KATNA1: variants seen among roughly 807,000 people sequenced by gnomAD.
KATNA1 encodes katanin p60 ATPase-containing subunit A1.
KATNA1 carries 42 observed loss-of-function variants against 62.6 expected under a neutral mutation model. That is an observed-to-expected ratio of 0.67 (90% CI 0.52 to 0.87). The LOEUF (loss-of-function observed/expected upper bound fraction) is 0.87, where lower values mean the gene tolerates loss of function less well. Ranked by LOEUF, KATNA1 falls within the 40% of genes least tolerant of loss-of-function variation. The probability of loss-of-function intolerance (pLI) is 0.00; values close to 1 mark genes in which losing one functional copy is unlikely to be tolerated. For synonymous variants in KATNA1, 186 were observed against 201.9 expected (o/e 0.92, Z 0.67); for missense variants, 498 against 612.5 (o/e 0.81, Z 1.97).
chr6:149,622,768 C>CGGGGG (rs1410587975), intron 4 of KATNA1, among the ~76,000 whole-genome samples: 1 of 57,170 alleles, frequency 1.7e-5, no homozygotes. Flanking sequence ...GGCAGGGGGG[C>CGGGGG]GGGGGGTGGG....
chr6:149,602,522 T>C (rs1159641341), intron 6 of KATNA1, among the ~76,000 whole-genome samples: 1 of 152,116 alleles, frequency 6.6e-6, no homozygotes, highest in Admixed American at 6.6e-5. Flanking sequence ...AAAAGCTTTT[T>C]TGATGGTCTT....
At chr6:149,610,072 C>T (rs1778890736) in intron 4 of KATNA1, among the ~76,000 whole-genome samples, 1 of 145,524 alleles carries the variant, frequency 6.9e-6, no homozygotes, top group South Asian at 2.2e-4. Flanking sequence ...GCACTCCAGC[C>T]TGGGCAACAA....
intron 4 of KATNA1, among the ~76,000 whole-genome samples, chr6:149,613,972 C>T (rs1779068348): frequency 6.6e-6 from 1 of 152,152 alleles, no homozygotes; most frequent in Non-Finnish European, 1.5e-5. Context: ...TTCCTCTACT[C>T]CAGAGGATGC....
chr6:149,608,747 C>T (rs1308290472), intron 4 of KATNA1, among the ~76,000 whole-genome samples: 3 of 152,204 alleles, frequency 2.0e-5, no homozygotes, highest in African/African-American at 7.2e-5. Context: ...GGAACCTAGA[C>T]TTCCACTCCC....
At chr6:149,605,523 C>T (rs1311241459) in intron 4 of KATNA1, among the ~76,000 whole-genome samples, 1 of 152,100 alleles carries the variant, frequency 6.6e-6, no homozygotes, top group East Asian at 1.9e-4. Context: ...CCAAAAGACA[C>T]ATCTCAGTCC....
intron 4 of KATNA1, among the ~76,000 whole-genome samples, chr6:149,614,134 G>A (rs1212169030): frequency 4.6e-5 from 7 of 152,178 alleles, no homozygotes; most frequent in East Asian, 3.9e-4. Context: ...AACTCAGCCC[G>A]TAGGCCCTTA....
At chr6:149,597,254 A>T (rs1158799515) in intron 9 of KATNA1, 65 bp from the exon 10 acceptor site, 4 of 1,520,610 alleles carry the variant, frequency 2.6e-6, no homozygotes, top group Non-Finnish European at 3.6e-6. Context: ...TATTGTCTCA[A>T]ATCTTCTTTG....
intron 4 of KATNA1, among the ~76,000 whole-genome samples, chr6:149,609,208 C>A (rs1778852739): frequency 1.3e-5 from 2 of 151,994 alleles, no homozygotes; most frequent in Non-Finnish European, 2.9e-5. Context: ...AGACTCCATG[C>A]CAACACACAT....
At position 149,623,243 on chromosome 6, in the gene KATNA1, T is replaced by C. The variant is rs746967618; in HGVS notation, c.361A>G (p.Ser121Gly). Residue 121 changes from serine to glycine, a missense_variant, in exon 4 of 11, where the codon AGT becomes GGT. Coordinates refer to ENST00000367411, the MANE Select transcript of KATNA1 (RefSeq NM_007044.4). The part of the protein sequence containing the change: ...GPRKRQSSQY[S>G]DPKSHGNRPS... ...CGATTACCATGTGATTTAGGGTCAC[T>C]GTACTGAGAAGATTGGCGTTTTCTA... The C allele has an allele frequency of 6.2e-7, 1 of 1,606,474 alleles. No homozygotes were observed. Among genetic ancestry groups the C allele is most frequent in the Non-Finnish European group, 8.5e-7 (1 of 1,178,258 alleles).
intron 4 of KATNA1, among the ~76,000 whole-genome samples, chr6:149,610,957 C>T (rs998223090): frequency 3.3e-5 from 5 of 152,174 alleles, no homozygotes; most frequent in African/African-American, 9.7e-5. Flanking sequence ...TGGTGTTCCA[C>T]GCCTATAGTC....
At position 149,597,572 on chromosome 6, in the gene KATNA1, G is replaced by A. The variant is rs1445999456; in HGVS notation, c.1085C>T (p.Pro362Leu). 6.2e-7 allele frequency: 1 copy of A among 1,613,904 alleles called. No homozygotes were observed. The highest frequency in any genetic ancestry group is 8.5e-7 in the Non-Finnish European group (1 of 1,179,854). Residue 362 changes from proline (P) to leucine (L), a missense_variant, in exon 9 of 11, where the codon CCC becomes CTC. Pro to Leu is a moderately conservative substitution (Grantham distance 98). Coordinates refer to ENST00000367411, the MANE Select transcript of KATNA1 (RefSeq NM_007044.4). Reference sequence around the variant, plus strand: ...TCTTAAAGCCTCATCTATATCCCAGGGAAAATTAGTAGCTGCCAGAACCAT... The same window carrying A: ...TCTTAAAGCCTCATCTATATCCCAGAGAAAATTAGTAGCTGCCAGAACCAT... ...MVMVLAATNF[P>L]WDIDEALRRR...
intron 3 of KATNA1, among the ~76,000 whole-genome samples, chr6:149,626,630 T>C (rs946254804): frequency 2.4e-4 from 37 of 151,742 alleles, no homozygotes; most frequent in African/African-American, 8.0e-4. Flanking sequence ...TATTAGGTGT[T>C]ACAAGTAATC....
At chr6:149,639,835 T>G (rs1279966127) in intron 1 of KATNA1, among the ~76,000 whole-genome samples, 1 of 152,190 alleles carries the variant, frequency 6.6e-6, no homozygotes, top group East Asian at 1.9e-4. Context: ...ATATGTCTTA[T>G]CTCTAGTAGA....
At chr6:149,629,682 T>TTTAC (rs1779758506) in intron 3 of KATNA1, among the ~76,000 whole-genome samples, 1 of 112,366 alleles carries the variant, frequency 8.9e-6, no homozygotes, top group South Asian at 2.7e-4. Flanking sequence ...TGGAAAAATT[T>TTTAC]TTACAACCAT....
intron 1 of KATNA1, among the ~76,000 whole-genome samples, chr6:149,641,752 C>A (rs548481372): frequency 6.6e-6 from 1 of 152,298 alleles, no homozygotes; most frequent in African/African-American, 2.4e-5. Context: ...CACTGTAATT[C>A]TTCACATTAA....
intron 1 of KATNA1, among the ~76,000 whole-genome samples, chr6:149,643,688 CTT>C (rs760035804): frequency 4.1e-4 from 59 of 142,620 alleles, no homozygotes; most frequent in Non-Finnish European, 4.3e-4. Flanking sequence ...AGTTGTTGTC[CTT>C]TTTTTTTTTT....
intron 4 of KATNA1, among the ~76,000 whole-genome samples, chr6:149,616,622 C>A (rs1446400160): frequency 6.6e-6 from 1 of 152,102 alleles, no homozygotes; most frequent in Non-Finnish European, 1.5e-5. Flanking sequence ...GGCCTGGTGG[C>A]GGGTGCCTGT....
intron 4 of KATNA1, among the ~76,000 whole-genome samples, chr6:149,607,379 A>AG (rs1374980662): frequency 2.0e-5 from 3 of 152,272 alleles, no homozygotes; most frequent in Middle Eastern, 3.4e-3. Flanking sequence ...ACTTAGGCTG[A>AG]GGGGGGTGGA....
Position 149,612,629 on chromosome 6 carries a change from A to C in KATNA1, c.502-7847T>G, listed in dbSNP as rs573171508. ...TTACCCTGATACTGAAATCAGATGA[A>C]GACAGTTCCAAAAAACAAAACAAAG... On this transcript the variant is annotated intron_variant, in intron 4 of 10. Transcript: ENST00000367411. 1.4e-4 allele frequency among the ~76,000 whole-genome samples: 21 copies of C among 152,344 alleles called. 1 individual carries two copies. Among genetic ancestry groups the C allele is most frequent in the African/African-American group, 4.6e-4 (19 of 41,582 alleles).
Sources: allele counts gnomAD v4.1 joint callset (sites outside exome capture counted in the v4.1 genomes callset), GRCh38; gene constraint gnomAD v4.1.1; transcripts MANE v1.5; gene names NCBI Gene and HGNC (gene_info 2026-07-23, HGNC 2026-07-21).